Variants in CP observed in about 807,000 individuals in gnomAD.
CP encodes the protein ceruloplasmin, also known as caeruloplasmin.
Under a neutral mutation model 122.4 loss-of-function variants are expected in CP, and 64 were observed. The observed-to-expected ratio is 0.52, with a 90% CI of 0.43 to 0.64. CP has a LOEUF of 0.64. Among genes scored for constraint, CP ranks in the 30% least tolerant of loss-of-function variants. The probability of loss-of-function intolerance (pLI) is 0.00; values close to 1 mark genes in which losing one functional copy is unlikely to be tolerated. For missense variants in CP, 1,167 were observed against 1,284.4 expected, an observed-to-expected ratio of 0.91 and a Z score of 1.40; for synonymous variants, 440 against 436.4, an observed-to-expected ratio of 1.01 and a Z score of -0.10.
rs1725915228 is a variant in CP, at chr3:149,183,477, A to G, written c.2414T>C (p.Leu805Pro). ...AGATATTAACATACCTAGAATTCCC[A>G]GATGTTCTTCTTCAGCTTTTCTCTC... is the stretch of plus-strand genomic sequence containing the variant. ...PVERKAEEEH[L>P]GILGPQLHAD... is the part of the protein sequence containing the mutation. Residue 805 changes from leucine to proline, a missense_variant, in exon 13 of 19, where the codon CTG (leucine) becomes CCG (proline). Coordinates refer to ENST00000264613, the MANE Select transcript of CP (RefSeq NM_000096.4). 6.2e-7 allele frequency: 1 copy of G among 1,611,578 alleles called. No individual in the cohort carries two copies. Among genetic ancestry groups the G allele is most frequent in the Non-Finnish European group, 8.5e-7 (1 of 1,179,796 alleles).
chr3:149,181,973 T>TGGGG, intron 14 of CP, 32 bp downstream of exon 14: 1 of 1,375,562 alleles, frequency 7.3e-7, no homozygotes, highest in Non-Finnish European at 1.0e-6. Context: ...CCTGTTAAAA[T>TGGGG]GCACCACCCC....
chr3:149,190,633 G>C (rs1726477720), intron 9 of CP, among the ~76,000 whole-genome samples: 1 of 147,870 alleles, frequency 6.8e-6, no homozygotes, highest in South Asian at 2.1e-4. Context: ...ACTCCAGCCT[G>C]GGCGACAGAG....
Position 149,186,544 on chromosome 3 carries a change from G to T in CP, c.2053C>A (p.Leu685Ile). 6.2e-7 allele frequency: 1 copy of T among 1,614,184 alleles called. No homozygotes were observed. The highest frequency in any genetic ancestry group is 8.5e-7 in the Non-Finnish European group (1 of 1,180,000). The change falls in exon 11 of 19, where the codon CTC becomes ATC. Residue 685 changes from leucine to isoleucine, a missense_variant. By Grantham distance (5) the Leu-to-Ile change is conservative. This residue lies in a region of CP where 525 missense variants were observed against 657.2 expected (regional missense o/e 0.80). Transcript: ENST00000264613. ...ANLFPQTSLTLHMWPDTEGTF... is the reference protein window; with the variant it reads ...ANLFPQTSLTIHMWPDTEGTF... ...CCCTCTGTGTCAGGCCACATGTGGA[G>T]CGTAAGACTTGTTTGAGGGAAGAGG...
intron 9 of CP, among the ~76,000 whole-genome samples, chr3:149,195,001 CACTT>C (rs1248984347): frequency 6.6e-6 from 1 of 152,076 alleles, no homozygotes; most frequent in African/African-American, 2.4e-5. Flanking sequence ...GAAATAGACT[CACTT>C]ATATATAAAT....
At chr3:149,175,027 G>A (rs1725321704) in intron 18 of CP, among the ~76,000 whole-genome samples, 2 of 151,930 alleles carry the variant, frequency 1.3e-5, no homozygotes, top group African/African-American at 4.8e-5. Context: ...CTTCTCTGTG[G>A]CTGTGTGTGT....
Position 149,186,617 on chromosome 3 carries a change from A to G in CP, c.1980T>C (p.Phe660=). Residue 660 remains phenylalanine (F), a synonymous_variant, in exon 11 of 19, where the codon TTT becomes TTC. Coordinates refer to ENST00000264613, the MANE Select transcript of CP (RefSeq NM_000096.4). ...CTCTCCACAGATATGTGTTTCCTGA[A>G]AAGTATATTCCATGTACATCGGCCT... ...GNEADVHGIY[F]SGNTYLWRGE... 6.2e-7 allele frequency: 1 copy of G among 1,614,206 alleles called. No individual in the cohort carries two copies. Among genetic ancestry groups the G allele is most frequent in the Non-Finnish European group, 8.5e-7 (1 of 1,180,028 alleles).
At chr3:149,190,675 A>G (rs1726483402) in intron 9 of CP, among the ~76,000 whole-genome samples, 1 of 151,862 alleles carries the variant, frequency 6.6e-6, no homozygotes, top group African/African-American at 2.4e-5. Context: ...AAAAAAAAAA[A>G]AAAGGAGGGG....
At chr3:149,211,216 T>C (rs912817972) in intron 2 of CP, among the ~76,000 whole-genome samples, 2 of 152,232 alleles carry the variant, frequency 1.3e-5, no homozygotes, top group African/African-American at 4.8e-5. Context: ...TCAAATCTAA[T>C]TTTAAATTAA....
chr3:149,197,858 C>T (rs1727002713), intron 9 of CP, among the ~76,000 whole-genome samples: 2 of 152,188 alleles, frequency 1.3e-5, no homozygotes, highest in African/African-American at 2.4e-5. Context: ...TTGCCTGCTG[C>T]TCACTTCCTG....
intron 7 of CP, among the ~76,000 whole-genome samples, chr3:149,201,063 C>T (rs1193745468): frequency 1.3e-5 from 2 of 152,148 alleles, no homozygotes; most frequent in African/African-American, 4.8e-5. Context: ...GGGCAGCCTG[C>T]GGAGGGCTCT....
chr3:149,187,073 A>G lies in CP; in HGVS notation c.1865-341T>C, dbSNP rs1050752067. Among the ~76,000 whole-genome samples the G allele has an allele frequency of 2.6e-5, 4 of 152,324 alleles. No homozygotes were observed. In the South Asian group the frequency reaches 6.2e-4, roughly 24 times the overall value. ...TTGTGAGCACCCAAATCTGCGAATT[A>G]TAACAGCTTTTCCTGTGCACCATAT... On this transcript the variant is annotated intron_variant, in intron 10 of 18. Transcript: ENST00000264613.
chr3:149,201,340 C>G (rs1302312824), intron 7 of CP, among the ~76,000 whole-genome samples: 1 of 151,844 alleles, frequency 6.6e-6, no homozygotes, highest in Non-Finnish European at 1.5e-5. Flanking sequence ...CCAGGATGGT[C>G]TCGATCTCCT....
chr3:149,193,602 G>T (rs1726688120), intron 9 of CP, among the ~76,000 whole-genome samples: 1 of 152,028 alleles, frequency 6.6e-6, no homozygotes, highest in African/African-American at 2.4e-5. Context: ...ATATTAAAAT[G>T]ATATTTTTTT....
intron 1 of CP, among the ~76,000 whole-genome samples, chr3:149,221,129 T>C (rs1019926374): frequency 7.2e-5 from 11 of 152,222 alleles, no homozygotes; most frequent in Non-Finnish European, 1.2e-4. Flanking sequence ...ATGCTTATTA[T>C]CCTCATTTTA....
chr3:149,184,025 CTTCTTT>C (rs1725973273), intron 12 of CP, among the ~76,000 whole-genome samples: 2 of 66,306 alleles, frequency 3.0e-5, no homozygotes, highest in Non-Finnish European at 6.8e-5. Flanking sequence ...TTTTCACTTA[CTTCTTT>C]TTTTTTTTTT....
At position 149,212,554 on chromosome 3, in the gene CP, G is replaced by T; in HGVS notation, c.291C>A (p.Ile97=). ...PVWLGFLGPI[I]KAETGDKVYV... The stretch of plus-strand genomic sequence containing the variant: ...AAACTTTATCTCCAGTTTCAGCTTT[G>T]ATAATAGGGCCTAAAAACCCAAGCC... The change falls in exon 2 of 19, where the codon ATC becomes ATA. Residue 97 remains isoleucine, a synonymous_variant. Coordinates refer to ENST00000264613, the MANE Select transcript of CP (RefSeq NM_000096.4). The T allele has an allele frequency of 6.2e-7, 1 of 1,613,992 alleles. No individual in the cohort carries two copies. The highest frequency in any genetic ancestry group is 1.1e-5 in the South Asian group (1 of 91,066).
intron 1 of CP, chr3:149,217,969 AT>A: frequency 2.9e-6 from 1 of 346,382 alleles, no homozygotes; most frequent in Non-Finnish European, 5.8e-6. Context: ...TCACTGTACC[AT>A]TTGTTTTGGA....
intron 9 of CP, among the ~76,000 whole-genome samples, chr3:149,188,674 A>C (rs573344361): frequency 6.6e-6 from 1 of 152,256 alleles, no homozygotes; most frequent in African/African-American, 2.4e-5. Flanking sequence ...ATGAATTCGA[A>C]CAGAGATTCA....
chr3:149,173,118 G>A lies in CP; in HGVS notation c.*596C>T, dbSNP rs936101453. 6.6e-6 allele frequency: 1 copy of A among 152,206 alleles called. No homozygotes were observed. Among genetic ancestry groups the A allele is most frequent in the African/African-American group, 2.4e-5 (1 of 41,438 alleles). The allele number at this position is 152,206 out of a possible 1,614,324, so 9.4% of individuals were successfully genotyped here. ...TTGAAGCTTTTCTTCTAATGGCAAT[G>A]TTTGTCCTTACCAGGATTTAATCTA... is the stretch of plus-strand genomic sequence containing the variant. On this transcript the variant is annotated 3_prime_UTR_variant, in exon 19 of 19. Transcript: ENST00000264613.
Sources: gnomAD v4.1 joint callset for allele counts (sites outside exome capture counted in the v4.1 genomes callset) on GRCh38, gnomAD v4.1.1 for gene constraint, gnomAD v4.1.1 regional missense constraint, MANE v1.5 for transcripts, NCBI Gene and HGNC (gene_info 2026-07-23, HGNC 2026-07-21) for gene names.